RAB26: variants seen among roughly 807,000 people sequenced by gnomAD.
RAB26 encodes RAB26, member RAS oncogene family, also known as ras-related protein Rab-26.
Under a neutral mutation model 33.1 loss-of-function variants are expected in RAB26, and 39 were observed. That is an observed-to-expected ratio of 1.18 (90% CI 0.91 to 1.54). The LOEUF is 1.54. Ranked by LOEUF, RAB26 falls within the 40% of genes most tolerant of loss-of-function variation. The probability of loss-of-function intolerance (pLI) is 0.00; values close to 1 mark genes in which losing one functional copy is unlikely to be tolerated. For synonymous variants in RAB26, 192 were observed against 151.9 expected, an observed-to-expected ratio of 1.26 and a Z score of -1.94; for missense variants, 468 against 362.9, an observed-to-expected ratio of 1.29 and a Z score of -2.35.
rs747885307 is a variant in RAB26, at chr16:2,151,558, G to A, written c.307-11G>A. 115 of 1,613,584 alleles carry A rather than the reference G, an allele frequency of 7.1e-5. No homozygotes were observed. The highest frequency in any genetic ancestry group is 6.2e-4 in the Admixed American group (37 of 60,004). ...GCCCATGCCAGAGCTGCCTGGTTCT[G>A]TCTGTTTCAGAACAAAGTTCTGGAC... On this transcript the variant is annotated splice_polypyrimidine_tract_variant and intron_variant, in intron 2 of 8. Transcript: ENST00000210187.
chr16:2,148,751 C>T lies in RAB26; in HGVS notation c.-33C>T. The T allele has an allele frequency of 7.9e-7, 1 of 1,273,742 alleles. No individual in the cohort carries two copies. The allele number at this position is 1,273,742 out of a possible 1,614,324, so 78.9% of individuals were successfully genotyped here. ...TGCGGGACGGCCCAGGGCACGGCGG[C>T]TGCAGCGGGAGCACACTGAGCGCCC... On this transcript the variant is annotated 5_prime_UTR_variant, in exon 1 of 9. Transcript: ENST00000210187.
chr16:2,151,462 T>G (rs2093004723), intron 2 of RAB26, 107 bp from the exon 3 acceptor site: 1 of 1,523,810 alleles, frequency 6.6e-7, no homozygotes, highest in African/African-American at 1.4e-5. Flanking sequence ...GGGGCTGGGC[T>G]GGACCTGGGA....
At chr16:2,148,544 C>G (rs1438406319), upstream of RAB26, 1 of 157,238 alleles carries the variant, frequency 6.4e-6, no homozygotes, top group Admixed American at 6.6e-5. Flanking sequence ...TTTGCATGTC[C>G]CCGCCCCACG....
At chr16:2,149,250 G>A (rs1332895595) in intron 1 of RAB26, among the ~76,000 whole-genome samples, 1 of 152,032 alleles carries the variant, frequency 6.6e-6, no homozygotes, top group Non-Finnish European at 1.5e-5. Flanking sequence ...GCCCCCGCCC[G>A]GGGTCTCACC....
intron 2 of RAB26, among the ~76,000 whole-genome samples, chr16:2,150,509 G>A (rs983508452): frequency 1.4e-5 from 2 of 147,342 alleles, no homozygotes; most frequent in Admixed American, 6.9e-5. Flanking sequence ...CTGAGGTGCC[G>A]GCTTGTCCTC....
At position 2,154,013 on chromosome 16, in the gene RAB26, T is replaced by C. The variant is rs2093017158; in HGVS notation, c.*592T>C. ...CACAGAAAACACCAGAAACAACAAC[T>C]GCCAGCCCGGCCTGGCCACAGGTGA... On this transcript the variant is annotated 3_prime_UTR_variant, in exon 9 of 9. Coordinates refer to ENST00000210187, the MANE Select transcript of RAB26 (RefSeq NM_014353.5). 2.8e-6 allele frequency: 1 copy of C among 359,642 alleles called. No homozygotes were observed. Among genetic ancestry groups the C allele is most frequent in the South Asian group, 2.0e-5 (1 of 48,790 alleles). 22.3% of individuals were successfully genotyped at this position (359,642 alleles called of 1,614,324 possible).
intron 8 of RAB26, 36 bp downstream of exon 8, chr16:2,153,258 A>G: frequency 1.2e-6 from 2 of 1,613,570 alleles, no homozygotes; most frequent in Non-Finnish European, 1.7e-6. Flanking sequence ...CCCCCAGCCC[A>G]GGGCCTGAAT....
intron 5 of RAB26, 29 bp from the exon 6 acceptor site, chr16:2,152,791 G>GC (rs775614495): frequency 6.3e-7 from 1 of 1,596,798 alleles, no homozygotes; most frequent in Non-Finnish European, 8.5e-7. Flanking sequence ...CATGCAGGGA[G>GC]CCCCAGCCTG....
Position 2,148,707 on chromosome 16 carries a change from G to A in RAB26, c.-77G>A, listed in dbSNP as rs2092994255. 8.4e-7 allele frequency: 1 copy of A among 1,183,608 alleles called. No individual in the cohort carries two copies. Among genetic ancestry groups the A allele is most frequent in the South Asian group, 4.2e-5 (1 of 23,770 alleles). 73.3% of individuals were successfully genotyped at this position (1,183,608 alleles called of 1,614,324 possible). The stretch of plus-strand genomic sequence containing the variant: ...CAGGGGAAGGGTTCGGGTCCGGGTC[G>A]GGCTCGGCGGGCGCGGGGTGCGGGA... On this transcript the variant is annotated 5_prime_UTR_variant, in exon 1 of 9. Coordinates refer to ENST00000210187, the MANE Select transcript of RAB26 (RefSeq NM_014353.5).
Position 2,148,994 on chromosome 16 carries a change from GC to G in RAB26, c.195+22del, listed in dbSNP as rs1227003160. 1.7e-5 allele frequency: 22 copies of G among 1,270,076 alleles called. No homozygotes were observed. Among genetic ancestry groups the G allele is most frequent in the African/African-American group, 3.1e-5 (2 of 64,652 alleles). 78.7% of individuals were successfully genotyped at this position (1,270,076 alleles called of 1,614,324 possible). A position where few individuals can be genotyped will look rare whatever the true frequency, so the allele number is the denominator to read the frequency against. ...CGCCTTCAAGGTGAGCCAGGCACCC[GC>G]CCCCCAGGCCAGCGCAGCAGGTGGC... On this transcript the variant is annotated intron_variant, in intron 1 of 8. Transcript: ENST00000210187.
At chr16:2,152,287 G>A (rs1457083165) in intron 5 of RAB26, among the ~76,000 whole-genome samples, 1 of 152,162 alleles carries the variant, frequency 6.6e-6, no homozygotes, top group Non-Finnish European at 1.5e-5. Flanking sequence ...GCACACACCT[G>A]TAATCCCAGC....
Position 2,153,866 on chromosome 16 carries a change from G to A in RAB26, c.*445G>A. 1 of 457,940 alleles carries A rather than the reference G, an allele frequency of 2.2e-6. No homozygotes were observed. Among genetic ancestry groups the A allele is most frequent in the South Asian group, 1.5e-5 (1 of 64,580 alleles). 28.4% of individuals were successfully genotyped at this position (457,940 alleles called of 1,614,324 possible). A position where few individuals can be genotyped will look rare whatever the true frequency, so the allele number is the denominator to read the frequency against. On this transcript the variant is annotated 3_prime_UTR_variant, in exon 9 of 9. Transcript: ENST00000210187. ...TCACTGCTAATCACATCGTGCATCT[G>A]TGTGTCCTGGGAGCTGCCTGCTCCC...
rs533549968 is a variant in RAB26, at chr16:2,152,956, C to G, written c.535-33C>G. The G allele has an allele frequency of 4.4e-5, 69 of 1,581,328 alleles. 1 individual carries two copies. The South Asian group carries it at 7.5e-4, about 17-fold the overall frequency. ...TGAGGGGGCAGGGGCCAACCATGGG[C>G]CAGCTTTCACCAAGACCCTGTGCCT... On this transcript the variant is annotated intron_variant, in intron 6 of 8. Transcript: ENST00000210187.
intron 2 of RAB26, 35 bp from the exon 3 acceptor site, chr16:2,151,534 C>A: frequency 1.2e-6 from 2 of 1,612,798 alleles, no homozygotes; most frequent in African/African-American, 1.3e-5. Context: ...CTGGGCTGGG[C>A]CCATGCCAGA....
intron 2 of RAB26, among the ~76,000 whole-genome samples, chr16:2,150,371 CT>C (rs2093000841): frequency 6.6e-6 from 1 of 152,206 alleles, no homozygotes; most frequent in Non-Finnish European, 1.5e-5. Context: ...AGAGGCCTTA[CT>C]GGGCCCTAGA....
In RAB26 at chr16:2,153,419, TGAACCTGG is replaced by T. The variant is rs1567240920; in HGVS notation, c.770_*6del. The stretch of plus-strand genomic sequence containing the variant: ...TCGAGGGGCCTCCTGCTGCCGCCCT[TGAACCTGG>T]CTGAGCTCAGTCCTCTGGAGGAAGC... On this transcript the variant is annotated stop_lost and 3_prime_UTR_variant, in exon 9 of 9. Transcript: ENST00000210187. The T allele has an allele frequency of 6.2e-7, 1 of 1,613,238 alleles. No homozygotes were observed. Among genetic ancestry groups the T allele is most frequent in the Non-Finnish European group, 8.5e-7 (1 of 1,179,956 alleles).
rs761711190 is a variant in RAB26, at chr16:2,148,649, TGCC to T, written c.-104_-102del. ...GGCGCGAGCCGGGCGCCCGGGATGA[TGCC>T]GCCGCCGCCGCCGCCGCCGCCGCCG... On this transcript the variant is annotated 5_prime_UTR_variant, in exon 1 of 9. Coordinates refer to ENST00000210187, the MANE Select transcript of RAB26 (RefSeq NM_014353.5). 0.013 allele frequency: 4,999 copies of T among 388,042 alleles called. 223 individuals are homozygous for T. The highest frequency in any genetic ancestry group is 0.091 in the African/African-American group (4,097 of 44,784). The allele number at this position is 388,042 out of a possible 1,614,324, so 24.0% of individuals were successfully genotyped here.
rs1413201993 is a variant in RAB26 at position 2,154,000 on chromosome 16, C to T, written c.*579C>T. On this transcript the variant is annotated 3_prime_UTR_variant, in exon 9 of 9. Transcript: ENST00000210187. ...AAATGTGGGAAATCACAGAAAACAC[C>T]AGAAACAACAACTGCCAGCCCGGCC... 1.1e-5 allele frequency: 4 copies of T among 362,434 alleles called. No homozygotes were observed. Among genetic ancestry groups the T allele is most frequent in the African/African-American group, 6.4e-5 (3 of 47,088 alleles). The allele number at this position is 362,434 out of a possible 1,614,324, so 22.5% of individuals were successfully genotyped here. A position where few individuals can be genotyped will look rare whatever the true frequency, so the allele number is the denominator to read the frequency against.
intron 1 of RAB26, 98 bp from the exon 2 acceptor site, chr16:2,149,843 G>T: frequency 2.2e-6 from 2 of 910,490 alleles, no homozygotes; most frequent in Non-Finnish European, 3.2e-6. Flanking sequence ...GCAGGCCTGG[G>T]CTGCCTCCCT....
Sources: gnomAD v4.1 joint callset for allele counts (sites outside exome capture counted in the v4.1 genomes callset) on GRCh38, gnomAD v4.1.1 for gene constraint, MANE v1.5 for transcripts, NCBI Gene and HGNC (gene_info 2026-07-23, HGNC 2026-07-21) for gene names.